Variants in TRIM35 observed in about 807,000 individuals in gnomAD.
The protein encoded by TRIM35 is tripartite motif containing 35, also known as E3 ubiquitin-protein ligase TRIM35.
Under a neutral mutation model 49.1 loss-of-function variants are expected in TRIM35, and 37 were observed. The ratio of observed to expected loss-of-function variants is 0.75; its 90% CI spans 0.58 to 0.99. The LOEUF (loss-of-function observed/expected upper bound fraction) is 0.99. TRIM35 is among the 50% of genes least tolerant of loss of function. The pLI is 0.00. For synonymous variants in TRIM35, 302 were observed against 289.3 expected (o/e 1.04, Z -0.45); for missense variants, 648 against 702.7 (o/e 0.92, Z 0.88).
chr8:27,308,416 C>G (rs1426798256), intron 1 of TRIM35, among the ~76,000 whole-genome samples: 1 of 152,202 alleles, frequency 6.6e-6, no homozygotes, highest in African/African-American at 2.4e-5. Context: ...AAACACACAT[C>G]CCATCACAAA....
At chr8:27,289,355 C>G in intron 4 of TRIM35, 75 bp from the exon 5 acceptor site, 1 of 1,213,812 alleles carries the variant, frequency 8.2e-7, no homozygotes, top group East Asian at 2.4e-5. Flanking sequence ...AACTGGAAAC[C>G]AGCAACAGGA....
chr8:27,298,341 TA>T, intron 2 of TRIM35, 122 bp downstream of exon 2: 1 of 839,604 alleles, frequency 1.2e-6, no homozygotes, highest in Non-Finnish European at 1.9e-6. Context: ...CCATCAGAGG[TA>T]AGGCAGCCGA....
intron 2 of TRIM35, 64 bp downstream of exon 2, chr8:27,298,392 ACACATCTT>A: frequency 3.4e-6 from 5 of 1,452,672 alleles, no homozygotes; most frequent in Non-Finnish European, 4.8e-6. Context: ...GCCACGGCTG[ACACATCTT>A]CACTCCTCCC....
intron 3 of TRIM35, among the ~76,000 whole-genome samples, chr8:27,290,844 T>G (rs192110094): frequency 6.6e-6 from 1 of 152,086 alleles, no homozygotes; most frequent in African/African-American, 2.4e-5. Flanking sequence ...AGACTCATAA[T>G]CTCCAATTTC....
rs767104561 is a variant in TRIM35, at chr8:27,287,850, C to G, written c.1182G>C (p.Ser394=). 20 of 1,612,784 alleles carry G rather than the reference C, an allele frequency of 1.2e-5. No homozygotes were observed. Among genetic ancestry groups the G allele is most frequent in the Non-Finnish European group, 1.6e-5 (19 of 1,179,700 alleles). The change falls in exon 6 of 6, where the codon TCG becomes TCC. Residue 394 remains serine, a synonymous_variant. Coordinates refer to ENST00000305364, the MANE Select transcript of TRIM35 (RefSeq NM_171982.5). The surrounding 1 kb of genome is among the most constrained non-coding windows in gnomAD (Gnocchi z 6.0). Reference sequence around the variant, plus strand: ...GCGTGCGGCAGACATACCAGAAGCCCGAGCGTGTGTCGTGGTAGCAGCTGT... The same window carrying G: ...GCGTGCGGCAGACATACCAGAAGCCGGAGCGTGTGTCGTGGTAGCAGCTGT... The part of the protein sequence containing the change: ...HSHSCYHDTR[S]GFWYVCRTQG...
At chr8:27,294,351 G>A (rs1222450931) in intron 2 of TRIM35, 41 bp from the exon 3 acceptor site, 1 of 1,581,714 alleles carries the variant, frequency 6.3e-7, no homozygotes, top group African/African-American at 1.4e-5. Context: ...CAGATGTGGA[G>A]AGGACATCCA....
intron 1 of TRIM35, among the ~76,000 whole-genome samples, chr8:27,299,904 T>C (rs879806242): frequency 1.3e-5 from 2 of 152,336 alleles, no homozygotes; most frequent in Non-Finnish European, 1.5e-5. Context: ...CACCTCCTGA[T>C]ACTCATGCTC....
intron 1 of TRIM35, among the ~76,000 whole-genome samples, chr8:27,300,790 G>A (rs1802668799): frequency 6.6e-6 from 1 of 152,186 alleles, no homozygotes; most frequent in Non-Finnish European, 1.5e-5. Context: ...CCACTGAAAT[G>A]TCATTCCAAT....
chr8:27,308,332 T>C (rs183466909), intron 1 of TRIM35, among the ~76,000 whole-genome samples: 276 of 152,376 alleles, frequency 1.8e-3, no homozygotes, highest in Non-Finnish European at 3.4e-3. Flanking sequence ...CAGTGAGCAC[T>C]GAAATGTGTT....
intron 1 of TRIM35, among the ~76,000 whole-genome samples, chr8:27,310,252 G>C (rs1280318196): frequency 6.6e-6 from 1 of 152,204 alleles, no homozygotes; most frequent in Admixed American, 6.5e-5. Flanking sequence ...TAGAACTCTA[G>C]ATATGGAGAT....
At chr8:27,298,792 C>T (rs2292978) in intron 1 of TRIM35, among the ~76,000 whole-genome samples, 9,108 of 152,266 alleles carry the variant, frequency 0.06, 362 homozygotes, top group Middle Eastern at 0.099. Flanking sequence ...GTAGCCCAGC[C>T]TGGTACAGAC....
intron 3 of TRIM35, among the ~76,000 whole-genome samples, chr8:27,292,763 C>T (rs933385705): frequency 6.6e-6 from 1 of 152,098 alleles, no homozygotes; most frequent in South Asian, 2.1e-4. Context: ...CTAAAATTGT[C>T]GTGATGGTTG....
Position 27,288,083 on chromosome 8 carries a change from C to A in TRIM35, c.949G>T (p.Val317Leu), listed in dbSNP as rs560149230. ...DPNTAAGWLS[V>L]SDDLTSVTNH... ...GTGACGCTGGTGAGGTCGTCAGACA[C>A]GGAGAGCCAGCCAGCTGCGGTGTTG... Residue 317 changes from valine to leucine, a missense_variant, in exon 6 of 6, where the codon GTG (valine) becomes TTG (leucine). Physicochemically the swap from Val to Leu is conservative, Grantham distance 32. Transcript: ENST00000305364. The A allele has an allele frequency of 6.2e-7, 1 of 1,611,498 alleles. No individual in the cohort carries two copies. Among genetic ancestry groups the A allele is most frequent in the Non-Finnish European group, 8.5e-7 (1 of 1,179,940 alleles).
intron 2 of TRIM35, among the ~76,000 whole-genome samples, chr8:27,297,598 G>T (rs905260575): frequency 2.6e-5 from 4 of 152,162 alleles, no homozygotes; most frequent in Non-Finnish European, 5.9e-5. Context: ...GACAGGAAGG[G>T]ATAAAAAGCA....
At chr8:27,288,208 C>A in intron 5 of TRIM35, 81 bp from the exon 6 acceptor site, 1 of 1,350,988 alleles carries the variant, frequency 7.4e-7, no homozygotes. Flanking sequence ...CCCCACAAAC[C>A]AACCACTGTG....
chr8:27,289,509 T>G (rs2130258959), intron 4 of TRIM35, among the ~76,000 whole-genome samples: 1 of 152,284 alleles, frequency 6.6e-6, no homozygotes, highest in South Asian at 2.1e-4. Context: ...CTGCCCCAAC[T>G]AGGAGAAATA....
chr8:27,296,974 A>C (rs1024985129), intron 2 of TRIM35, among the ~76,000 whole-genome samples: 2 of 152,118 alleles, frequency 1.3e-5, no homozygotes, highest in African/African-American at 4.8e-5. Context: ...TAAAAACCCT[A>C]GTAAAAGGGA....
chr8:27,285,360 A>T lies in TRIM35; in HGVS notation c.*2190T>A, dbSNP rs1802289725. 1 of 152,248 alleles carries T rather than the reference A, an allele frequency of 6.6e-6. No individual in the cohort carries two copies. Among genetic ancestry groups the T allele is most frequent in the Non-Finnish European group, 1.5e-5 (1 of 68,058 alleles). 9.4% of individuals were successfully genotyped at this position (152,248 alleles called of 1,614,324 possible). A position where few individuals can be genotyped will look rare whatever the true frequency, so the allele number is the denominator to read the frequency against. On this transcript the variant is annotated 3_prime_UTR_variant, in exon 6 of 6. Transcript: ENST00000305364. ...ATCCAGCAAATCTGCTCCCAGGCATATACCAAAGAGAAATGAAAACATATG... is the reference window on the plus strand; with the variant it reads ...ATCCAGCAAATCTGCTCCCAGGCATTTACCAAAGAGAAATGAAAACATATG...
intron 2 of TRIM35, among the ~76,000 whole-genome samples, chr8:27,295,437 A>G (rs1293511417): frequency 1.3e-5 from 2 of 152,226 alleles, no homozygotes; most frequent in Non-Finnish European, 2.9e-5. Flanking sequence ...ATGCTCCTCA[A>G]GTTATGATGG....
Sources: allele counts gnomAD v4.1 joint callset (sites outside exome capture counted in the v4.1 genomes callset), GRCh38; gene constraint gnomAD v4.1.1; non-coding constraint Gnocchi (gnomAD v3.1); transcripts MANE v1.5; gene names NCBI Gene and HGNC (gene_info 2026-07-23, HGNC 2026-07-21).